The following GABRB1 variants were observed in gnomAD, a reference collection of about 807,000 sequenced individuals.
GABRB1 encodes gamma-aminobutyric acid type A receptor subunit beta1, also known as gamma-aminobutyric acid receptor subunit beta-1.
In GABRB1, 17 loss-of-function variants were observed where a neutral mutation model predicts 51.6. The observed-to-expected ratio is 0.33, with a 90% confidence interval of 0.23 to 0.49. The LOEUF (loss-of-function observed/expected upper bound fraction) is 0.49, where lower values mean the gene tolerates loss of function less well. GABRB1 is among the 20% of genes least tolerant of loss of function. GABRB1 has a pLI of 0.99. For missense variants in GABRB1, 410 were observed against 600.6 expected, an observed-to-expected ratio of 0.68 and a Z score of 3.32; for synonymous variants, 247 against 218.9, an observed-to-expected ratio of 1.13 and a Z score of -1.14.
intron 1 of GABRB1, among the ~76,000 whole-genome samples, chr4:47,001,268 G>C (rs553968998): frequency 1.5e-4 from 23 of 151,988 alleles, no homozygotes; most frequent in Non-Finnish European, 2.6e-4. Flanking sequence ...TCAGCCTCCC[G>C]AGTAGCTGGG....
chr4:47,130,499 C>T (rs1051641480), intron 3 of GABRB1, among the ~76,000 whole-genome samples: 1 of 152,122 alleles, frequency 6.6e-6, no homozygotes, highest in African/African-American at 2.4e-5. Context: ...GCCCACTTCC[C>T]TCTTTTGCTG....
In GABRB1 at chr4:47,032,498, C is replaced by G; in HGVS notation, c.240+14C>G. On this transcript the variant is annotated intron_variant, in intron 3 of 8. Transcript: ENST00000295454. ...GAAGTGAATATGGTGAGTGGCCTCC[C>G]GAGGGGCCCGGCGGTTCGGCTTACG... 3.7e-6 allele frequency: 6 copies of G among 1,613,144 alleles called. No homozygotes were observed. Among genetic ancestry groups the G allele is most frequent in the Non-Finnish European group, 5.1e-6 (6 of 1,179,238 alleles).
intron 5 of GABRB1, among the ~76,000 whole-genome samples, chr4:47,324,336 T>C (rs922748840): frequency 1.3e-5 from 2 of 152,120 alleles, no homozygotes; most frequent in Admixed American, 1.3e-4. Context: ...AAATTGATTA[T>C]CTCTAGTCCA....
chr4:47,155,440 A>G (rs572749989), intron 3 of GABRB1, among the ~76,000 whole-genome samples: 4 of 152,092 alleles, frequency 2.6e-5, no homozygotes, highest in Non-Finnish European at 5.9e-5. Context: ...TTACAAAAAT[A>G]CATGTAATGC....
chr4:47,341,633 A>C (rs960728169), intron 5 of GABRB1, among the ~76,000 whole-genome samples: 2 of 152,202 alleles, frequency 1.3e-5, no homozygotes, highest in African/African-American at 2.4e-5. Context: ...TTAGCACTTG[A>C]TATATGAGAA....
intron 3 of GABRB1, among the ~76,000 whole-genome samples, chr4:47,098,983 A>G (rs1305640689): frequency 6.6e-6 from 1 of 152,074 alleles, no homozygotes; most frequent in Non-Finnish European, 1.5e-5. Flanking sequence ...AAGGCAAAAA[A>G]TCTGATTTCC....
chr4:47,414,232 G>A (rs1728844906), intron 8 of GABRB1, among the ~76,000 whole-genome samples: 3 of 152,288 alleles, frequency 2.0e-5, no homozygotes, highest in Non-Finnish European at 2.9e-5. Flanking sequence ...CAAGGTTGAG[G>A]ATGAGTGCCT....
At chr4:47,329,842 T>TA (rs1553875583) in intron 5 of GABRB1, among the ~76,000 whole-genome samples, 4 of 151,358 alleles carry the variant, frequency 2.6e-5, no homozygotes, top group Non-Finnish European at 5.9e-5. Flanking sequence ...TATCTATATA[T>TA]AGAGAGCGAG....
chr4:47,024,245 T>G (rs1474522286), intron 1 of GABRB1, among the ~76,000 whole-genome samples: 1 of 151,968 alleles, frequency 6.6e-6, no homozygotes, highest in African/African-American at 2.4e-5. Context: ...AATTTTCTGC[T>G]TCTGGAATTT....
intron 5 of GABRB1, among the ~76,000 whole-genome samples, chr4:47,364,399 G>A (rs1236314055): frequency 6.6e-6 from 1 of 151,914 alleles, no homozygotes; most frequent in Non-Finnish European, 1.5e-5. Context: ...AGAAGTTGGA[G>A]TAAAAGAAAG....
chr4:47,341,182 C>T (rs1490243766), intron 5 of GABRB1, among the ~76,000 whole-genome samples: 3 of 152,124 alleles, frequency 2.0e-5, no homozygotes, highest in East Asian at 1.9e-4. Flanking sequence ...GAGTCATTCA[C>T]GGACTTGGGG....
chr4:47,324,075 C>T (rs556534267), intron 5 of GABRB1, among the ~76,000 whole-genome samples: 20 of 152,116 alleles, frequency 1.3e-4, no homozygotes, highest in African/African-American at 4.3e-4. Context: ...AAAAAAGATC[C>T]GGACCTTAAT....
intron 8 of GABRB1, among the ~76,000 whole-genome samples, chr4:47,421,792 A>G (rs1383318687): frequency 1.3e-5 from 2 of 152,208 alleles, no homozygotes; most frequent in South Asian, 2.1e-4. Flanking sequence ...GTACAGTTTG[A>G]TTGAAAACTT....
rs1218596946 is a variant in GABRB1 at position 47,352,033 on chromosome 4, A to C, written c.544+31824A>C. On this transcript the variant is annotated intron_variant, in intron 5 of 8. Coordinates refer to ENST00000295454, the MANE Select transcript of GABRB1 (RefSeq NM_000812.4). ...TAGTTTACAGTCCCACCAACAGTGTAAAAGTGTTCCTATTTCTCCACATCC... is the reference window on the plus strand; with the variant it reads ...TAGTTTACAGTCCCACCAACAGTGTCAAAGTGTTCCTATTTCTCCACATCC... 7.2e-5 allele frequency among the ~76,000 whole-genome samples: 11 copies of C among 152,176 alleles called. No individual in the cohort carries two copies. The East Asian group carries it at 1.7e-3, about 24-fold the overall frequency.
chr4:47,018,855 A>G (rs552097148), intron 1 of GABRB1, among the ~76,000 whole-genome samples: 1 of 152,278 alleles, frequency 6.6e-6, no homozygotes, highest in Non-Finnish European at 1.5e-5. Flanking sequence ...CAGGAATGGC[A>G]GAGGTGGAAG....
intron 8 of GABRB1, among the ~76,000 whole-genome samples, chr4:47,420,849 C>A (rs1578160239): frequency 6.6e-6 from 1 of 152,020 alleles, no homozygotes; most frequent in Non-Finnish European, 1.5e-5. Flanking sequence ...GTATGGCTAC[C>A]ACATGTATAC....
At chr4:47,163,329 C>A (rs930186036) in intron 4 of GABRB1, among the ~76,000 whole-genome samples, 1 of 151,952 alleles carries the variant, frequency 6.6e-6, no homozygotes, top group African/African-American at 2.4e-5. Context: ...AGGTACTGGG[C>A]AAACTGCATA....
chr4:47,063,859 G>C (rs1003629051), intron 3 of GABRB1, among the ~76,000 whole-genome samples: 1 of 151,922 alleles, frequency 6.6e-6, no homozygotes, highest in South Asian at 2.1e-4. Context: ...CATGGCGGGG[G>C]AACAACACAC....
At chr4:47,069,900 C>T (rs1327738328) in intron 3 of GABRB1, among the ~76,000 whole-genome samples, 5 of 152,208 alleles carry the variant, frequency 3.3e-5, no homozygotes, top group Admixed American at 6.5e-5. Flanking sequence ...CCTCCGTTTC[C>T]GGTACTCCAC....
Sources: allele counts gnomAD v4.1 joint callset (sites outside exome capture counted in the v4.1 genomes callset), GRCh38; gene constraint gnomAD v4.1.1; transcripts MANE v1.5; gene names NCBI Gene and HGNC (gene_info 2026-07-23, HGNC 2026-07-21).